BCL11B: variants seen among roughly 807,000 people sequenced by gnomAD.
BCL11B encodes the protein B-cell lymphoma/leukemia 11B.
BCL11B carries 8 observed loss-of-function variants against 49.9 expected under a neutral mutation model. The observed-to-expected ratio is 0.16, with a 90% CI of 0.09 to 0.29. The LOEUF is 0.29. BCL11B is among the 10% of genes least tolerant of loss of function. BCL11B has a pLI of 1.00. For missense variants in BCL11B, 1,006 were observed against 1,351.0 expected (o/e 0.74, Z 4.00); for synonymous variants, 739 against 637.4 (o/e 1.16, Z -2.40).
At chr14:99,210,944 T>G (rs1463874843) in intron 3 of BCL11B, among the ~76,000 whole-genome samples, 1 of 152,156 alleles carries the variant, frequency 6.6e-6, no homozygotes, top group African/African-American at 2.4e-5. Context: ...AATAGACACC[T>G]TCCCCTCTAC....
intron 3 of BCL11B, among the ~76,000 whole-genome samples, chr14:99,227,845 T>A (rs936228178): frequency 6.6e-6 from 1 of 152,002 alleles, no homozygotes; most frequent in Non-Finnish European, 1.5e-5. Flanking sequence ...GAAATTTCAG[T>A]TCCCAGGAAC....
intron 3 of BCL11B, among the ~76,000 whole-genome samples, chr14:99,199,675 TGTGTGTGTGCGCGC>T (rs1479120394): frequency 2.4e-5 from 2 of 84,784 alleles, no homozygotes; most frequent in South Asian, 3.2e-4. Flanking sequence ...TGTGTGTGTG[TGTGTGTGTGCGCGC>T]GCGCGCGCAC....
intron 2 of BCL11B, among the ~76,000 whole-genome samples, chr14:99,246,770 G>A (rs2139929620): frequency 1.3e-5 from 2 of 152,252 alleles, no homozygotes; most frequent in South Asian, 4.1e-4. Context: ...GGGCGGCGGA[G>A]AGGATGGGTA....
rs756734171 is a variant in BCL11B, at chr14:99,172,360, G to C, written c.*1791C>G. The stretch of plus-strand genomic sequence containing the variant: ...GCTGGGTTTATTTCTTCATTTGATT[G>C]GGTCTTATGGCATTTCATATCCTCT... On this transcript the variant is annotated 3_prime_UTR_variant, in exon 4 of 4. Coordinates refer to ENST00000357195, the MANE Select transcript of BCL11B (RefSeq NM_138576.4). 5.4e-5 allele frequency: 12 copies of C among 222,496 alleles called. No individual in the cohort carries two copies. Among genetic ancestry groups the C allele is most frequent in the Non-Finnish European group, 9.9e-5 (11 of 111,380 alleles). 13.8% of individuals were successfully genotyped at this position (222,496 alleles called of 1,614,324 possible).
rs1441000582 is a variant in BCL11B at position 99,247,694 on chromosome 14, CG to C, written c.427+9776del. ...TTTCTGGACACTCTTGTGGATTGGA[CG>C]GATGGCTTCATCTGTGCCATATCAC... is the stretch of plus-strand genomic sequence containing the variant. On this transcript the variant is annotated intron_variant, in intron 2 of 3. Coordinates refer to ENST00000357195, the MANE Select transcript of BCL11B (RefSeq NM_138576.4). This position sits in a 1 kb window ranked among gnomAD's most constrained non-coding sequence, Gnocchi z 4.5. Among the ~76,000 whole-genome samples, 1 of 152,208 alleles carries C rather than the reference CG, an allele frequency of 6.6e-6. No homozygotes were observed. The highest frequency in any genetic ancestry group is 1.5e-5 in the Non-Finnish European group (1 of 68,036).
intron 3 of BCL11B, among the ~76,000 whole-genome samples, chr14:99,219,330 G>A (rs765004243): frequency 6.6e-5 from 10 of 152,100 alleles, no homozygotes; most frequent in Non-Finnish European, 1.3e-4. Context: ...CACCGCACCC[G>A]ACCACAGAAT....
intron 3 of BCL11B, among the ~76,000 whole-genome samples, chr14:99,220,582 G>A (rs1887978718): frequency 6.6e-6 from 1 of 152,178 alleles, no homozygotes; most frequent in Non-Finnish European, 1.5e-5. Flanking sequence ...GGGGAGAGGG[G>A]AAATGGGAAG....
chr14:99,268,687 A>G (rs1254498968), intron 1 of BCL11B, among the ~76,000 whole-genome samples: 1 of 152,134 alleles, frequency 6.6e-6, no homozygotes, highest in Non-Finnish European at 1.5e-5. Context: ...GCTTTTGGAT[A>G]ATAAATAGCC....
intron 3 of BCL11B, among the ~76,000 whole-genome samples, chr14:99,207,391 A>G (rs1242517050): frequency 6.6e-6 from 1 of 152,024 alleles, no homozygotes; most frequent in African/African-American, 2.4e-5. Context: ...TTCCTTTCCA[A>G]TCTAAAGTCC....
intron 3 of BCL11B, among the ~76,000 whole-genome samples, chr14:99,226,014 C>T (rs1233629389): frequency 6.6e-6 from 1 of 152,212 alleles, no homozygotes; most frequent in Non-Finnish European, 1.5e-5. Context: ...TCTGCAGCAG[C>T]GTGACCTCAA....
chr14:99,238,874 C>T (rs1200481115), intron 2 of BCL11B, among the ~76,000 whole-genome samples: 1 of 152,148 alleles, frequency 6.6e-6, no homozygotes, highest in African/African-American at 2.4e-5. Flanking sequence ...TTGGGGCCCA[C>T]CATCCTGGAA....
At chr14:99,254,109 C>T (rs1056143001) in intron 2 of BCL11B, among the ~76,000 whole-genome samples, 9 of 152,260 alleles carry the variant, frequency 5.9e-5, no homozygotes, top group African/African-American at 2.2e-4. Context: ...CCGCTCCCTC[C>T]TCTGGGGGCT....
At chr14:99,268,643 T>C (rs1440061722) in intron 1 of BCL11B, among the ~76,000 whole-genome samples, 2 of 151,794 alleles carry the variant, frequency 1.3e-5, no homozygotes, top group Non-Finnish European at 2.9e-5. Flanking sequence ...CCCACCTCCC[T>C]CCCAGGTGAC....
chr14:99,226,883 C>T (rs560089608), intron 3 of BCL11B, among the ~76,000 whole-genome samples: 1 of 152,338 alleles, frequency 6.6e-6, no homozygotes, highest in African/African-American at 2.4e-5. Flanking sequence ...AATAACACAG[C>T]AAGCACAATT....
chr14:99,229,768 G>C (rs1318374399), intron 3 of BCL11B, among the ~76,000 whole-genome samples: 1 of 152,066 alleles, frequency 6.6e-6, no homozygotes. Flanking sequence ...GCTGATCTTC[G>C]ATAGCATGGC....
intron 1 of BCL11B, among the ~76,000 whole-genome samples, chr14:99,263,513 A>G (rs1347372908): frequency 6.6e-6 from 1 of 152,240 alleles, no homozygotes; most frequent in Non-Finnish European, 1.5e-5. Flanking sequence ...TTTTAGATGC[A>G]GGAAGAGGCT....
intron 3 of BCL11B, among the ~76,000 whole-genome samples, chr14:99,227,253 C>T (rs1888185245): frequency 2.0e-5 from 3 of 152,138 alleles, no homozygotes; most frequent in African/African-American, 7.2e-5. Context: ...CCATTCCGCT[C>T]GTGCATGGAC....
intron 2 of BCL11B, among the ~76,000 whole-genome samples, chr14:99,251,446 T>C (rs1378840992): frequency 1.3e-5 from 2 of 152,072 alleles, no homozygotes; most frequent in South Asian, 4.1e-4. Context: ...GGCAAACAGT[T>C]GGCTGACAGT....
chr14:99,245,709 T>G (rs1888806967), intron 2 of BCL11B, among the ~76,000 whole-genome samples: 2 of 152,012 alleles, frequency 1.3e-5, no homozygotes, highest in African/African-American at 4.8e-5. Flanking sequence ...GGGGACCACT[T>G]CCACATTCCC....
Sources: allele counts gnomAD v4.1 joint callset (sites outside exome capture counted in the v4.1 genomes callset), GRCh38; gene constraint gnomAD v4.1.1; non-coding constraint Gnocchi (gnomAD v3.1); transcripts MANE v1.5; gene names NCBI Gene and HGNC (gene_info 2026-07-23, HGNC 2026-07-21).